The following RBFOX1 variants were observed in gnomAD, a reference collection of about 807,000 sequenced individuals.
The protein encoded by RBFOX1 is RNA binding fox-1 homolog 1.
In RBFOX1, 8 loss-of-function variants were observed where a neutral mutation model predicts 57.7. That is an observed-to-expected ratio of 0.14 (90% CI 0.08 to 0.25). RBFOX1 has a LOEUF of 0.25. Among genes scored for constraint, RBFOX1 ranks in the 10% least tolerant of loss-of-function variants. RBFOX1 has a pLI of 1.00. For synonymous variants in RBFOX1, 326 were observed against 222.4 expected (o/e 1.47, Z -4.15); for missense variants, 611 against 548.5 (o/e 1.11, Z -1.14).
rs1242444724 is a variant in RBFOX1 at position 6,066,718 on chromosome 16, C to T, written c.-127+46726C>T. On this transcript the variant is annotated intron_variant, in intron 1 of 15. Coordinates refer to ENST00000550418, the MANE Select transcript of RBFOX1 (RefSeq NM_018723.4). ...TTGGACAAAAATGGCAGCAGGTATACTGTGCCAAGCATTGGCCTTTGCCCA... is the reference window on the plus strand; with the variant it reads ...TTGGACAAAAATGGCAGCAGGTATATTGTGCCAAGCATTGGCCTTTGCCCA... Among the ~76,000 whole-genome samples, 3 of 152,264 alleles carry T rather than the reference C, an allele frequency of 2.0e-5. No individual in the cohort carries two copies. The South Asian group carries it at 6.2e-4, about 32-fold the overall frequency.
chr16:5,484,931 C>T (rs190153930), intron 2 of RBFOX1, among the ~76,000 whole-genome samples: 1 of 151,660 alleles, frequency 6.6e-6, no homozygotes, highest in African/African-American at 2.4e-5. Context: ...TTGTGGCACA[C>T]ACCTGTAGTC....
intron 11 of RBFOX1, among the ~76,000 whole-genome samples, chr16:7,631,025 C>T (rs188738499): frequency 1.3e-5 from 2 of 152,158 alleles, no homozygotes; most frequent in African/African-American, 2.4e-5. Context: ...ATATACAGGC[C>T]ACCCCAAAGG....
Position 7,651,131 on chromosome 16 carries a change from TG to T in RBFOX1, c.758-2681del, listed in dbSNP as rs374575483. ...TACAAATAGAAAGACGGAATCATTC[TG>T]GGTTCTACAATCCTCGTATTTTACC... On this transcript the variant is annotated intron_variant, in intron 11 of 15. Transcript: ENST00000550418. Among the ~76,000 whole-genome samples the T allele has an allele frequency of 5.3e-4, 81 of 152,376 alleles. No homozygotes were observed. The East Asian group carries it at 0.012, about 22-fold the overall frequency.
In RBFOX1 at chr16:5,505,192, G is replaced by A. The variant is rs144490923; in HGVS notation, c.258+37938G>A. On this transcript the variant is annotated intron_variant, in intron 2 of 2. Transcript: ENST00000585867. ...ACATTGTAGGCTGCATAAACCTCTT[G>A]TATGACCCCTTCTTGCCCCCTTCTC... Among the ~76,000 whole-genome samples the A allele has an allele frequency of 2.5e-3, 375 of 152,310 alleles. 1 individual carries two copies. Among genetic ancestry groups the A allele is most frequent in the African/African-American group, 8.2e-3 (342 of 41,560 alleles).
At chr16:6,925,751 A>G (rs921827462) in intron 3 of RBFOX1, among the ~76,000 whole-genome samples, 56 of 152,186 alleles carry the variant, frequency 3.7e-4, no homozygotes, top group Admixed American at 2.2e-3. Flanking sequence ...ACAGACAAGC[A>G]AAGAACGGGA....
At chr16:5,763,474 C>T (rs529441594) in intron 3 of RBFOX1, among the ~76,000 whole-genome samples, 21 of 152,328 alleles carry the variant, frequency 1.4e-4, no homozygotes, top group South Asian at 8.3e-4. Flanking sequence ...TGAGAAAAGC[C>T]CCTGGCCCAG....
intron 1 of RBFOX1, among the ~76,000 whole-genome samples, chr16:6,219,667 G>T (rs975413895): frequency 2.0e-5 from 3 of 152,080 alleles, no homozygotes; most frequent in Non-Finnish European, 4.4e-5. Flanking sequence ...TTGAGGTCAG[G>T]AGTTCAAGAC....
chr16:7,074,907 A>C (rs1230935247), intron 4 of RBFOX1, among the ~76,000 whole-genome samples: 1 of 152,148 alleles, frequency 6.6e-6, no homozygotes, highest in Non-Finnish European at 1.5e-5. Context: ...TCCCCCAGTG[A>C]GACATTGTGA....
chr16:5,915,860 A>C (rs938014667), intron 4 of RBFOX1, among the ~76,000 whole-genome samples: 4 of 152,164 alleles, frequency 2.6e-5, no homozygotes, highest in African/African-American at 9.7e-5. Context: ...TATAGACTAC[A>C]ATATGACACA....
intron 3 of RBFOX1, among the ~76,000 whole-genome samples, chr16:7,002,170 G>C (rs1350472867): frequency 6.6e-6 from 1 of 152,110 alleles, no homozygotes; most frequent in African/African-American, 2.4e-5. Context: ...CCACCTCTCA[G>C]TGTACTGACA....
At chr16:5,584,045 A>G (rs1210487811) in intron 2 of RBFOX1, among the ~76,000 whole-genome samples, 1 of 152,080 alleles carries the variant, frequency 6.6e-6, no homozygotes, top group Non-Finnish European at 1.5e-5. Flanking sequence ...CCGTGCTCCA[A>G]GTATCCCATT....
At chr16:6,670,786 A>T (rs978850598) in intron 3 of RBFOX1, among the ~76,000 whole-genome samples, 1 of 152,120 alleles carries the variant, frequency 6.6e-6, no homozygotes, top group African/African-American at 2.4e-5. Flanking sequence ...TCACAAGGTC[A>T]GGAGATCGAG....
At chr16:5,870,283 G>C (rs1242501307) in intron 4 of RBFOX1, among the ~76,000 whole-genome samples, 1 of 150,540 alleles carries the variant, frequency 6.6e-6, no homozygotes, top group Non-Finnish European at 1.5e-5. Context: ...ACTCTCATCT[G>C]GATGTATTTA....
chr16:7,067,125 C>G (rs1598575287), intron 4 of RBFOX1, among the ~76,000 whole-genome samples: 1 of 152,152 alleles, frequency 6.6e-6, no homozygotes, highest in Non-Finnish European at 1.5e-5. Context: ...CCAGCGGCAG[C>G]CTTCCATGCT....
Position 7,581,334 on chromosome 16 carries a change from A to G in RBFOX1, c.414+1414A>G, listed in dbSNP as rs118161675. ...TGCAGAGCATTCAAAGTGAGAGTCGAGGTTAAGTGTGTGTGAGGCAGTAAG... is the reference window on the plus strand; with the variant it reads ...TGCAGAGCATTCAAAGTGAGAGTCGGGGTTAAGTGTGTGTGAGGCAGTAAG... On this transcript the variant is annotated intron_variant, in intron 6 of 15. Transcript: ENST00000550418. 6.0e-4 allele frequency among the ~76,000 whole-genome samples: 91 copies of G among 152,266 alleles called. No individual in the cohort carries two copies. The East Asian group carries it at 0.017, about 28-fold the overall frequency.
chr16:6,711,410 T>C (rs2063692761), intron 3 of RBFOX1, among the ~76,000 whole-genome samples: 2 of 152,188 alleles, frequency 1.3e-5, no homozygotes, highest in African/African-American at 4.8e-5. Context: ...ATGGTTTGAC[T>C]CTGTGTCCCC....
intron 1 of RBFOX1, among the ~76,000 whole-genome samples, chr16:5,276,003 T>G (rs8043963): frequency 0.32 from 48,683 of 152,044 alleles, 8,281 homozygotes; most frequent in South Asian, 0.45. Context: ...TAAAACTGGA[T>G]CCTCATCTCT....
intron 1 of RBFOX1, chr16:6,038,305 C>G (rs1596577497): frequency 6.6e-6 from 1 of 150,558 alleles, no homozygotes; most frequent in East Asian, 2.0e-4. Context: ...CCTGAGCCTC[C>G]TGAGTAGGTG....
At chr16:7,029,805 A>T (rs1377579549) in intron 3 of RBFOX1, among the ~76,000 whole-genome samples, 1 of 152,320 alleles carries the variant, frequency 6.6e-6, no homozygotes, top group African/African-American at 2.4e-5. Flanking sequence ...GAATCTGGAC[A>T]TTATGAAAAG....
Sources: allele counts gnomAD v4.1 joint callset (sites outside exome capture counted in the v4.1 genomes callset), GRCh38; gene constraint gnomAD v4.1.1; transcripts MANE v1.5; gene names NCBI Gene and HGNC (gene_info 2026-07-23, HGNC 2026-07-21).